SUMF1: variants seen among roughly 807,000 people sequenced by gnomAD.
The protein encoded by SUMF1 is formylglycine-generating enzyme.
In SUMF1, 48 loss-of-function variants were observed where a neutral mutation model predicts 47.6. The ratio of observed to expected loss-of-function variants is 1.01; its 90% CI spans 0.80 to 1.28. The LOEUF is 1.28. Ranked by LOEUF, SUMF1 falls within the 50% of genes most tolerant of loss-of-function variation. The pLI is 0.00. For synonymous variants in SUMF1, 230 were observed against 192.1 expected, an observed-to-expected ratio of 1.20 and a Z score of -1.63; for missense variants, 571 against 485.4, an observed-to-expected ratio of 1.18 and a Z score of -1.66.
At chr3:4,190,420 C>CT (rs200950017) in intron 8 of SUMF1, among the ~76,000 whole-genome samples, 3,704 of 151,440 alleles carry the variant, frequency 0.024, 173 homozygotes, top group African/African-American at 0.085. Context: ...TTATAACATC[C>CT]TTTCAGCCTC....
intron 8 of SUMF1, among the ~76,000 whole-genome samples, chr3:4,271,285 A>G (rs546963771): frequency 6.6e-6 from 1 of 152,274 alleles, no homozygotes; most frequent in South Asian, 2.1e-4. Flanking sequence ...ACCAAATTTC[A>G]GACTTGTTTC....
At chr3:4,376,472 A>C in intron 7 of SUMF1, 83 bp from the exon 8 acceptor site, 2 of 1,412,938 alleles carry the variant, frequency 1.4e-6, no homozygotes, top group South Asian at 2.3e-5. Context: ...CTTTGATCCA[A>C]CCAGCTCTCT....
chr3:4,257,469 A>T (rs1251909159), intron 8 of SUMF1, among the ~76,000 whole-genome samples: 1 of 151,016 alleles, frequency 6.6e-6, no homozygotes, highest in African/African-American at 2.4e-5. Flanking sequence ...CACCAACAAC[A>T]GACAAACAGA....
intron 9 of SUMF1, among the ~76,000 whole-genome samples, chr3:4,043,312 A>G (rs936959825): frequency 6.6e-6 from 1 of 152,010 alleles, no homozygotes; most frequent in African/African-American, 2.4e-5. Context: ...ACATCTCTAA[A>G]TTGTACCTTT....
At chr3:4,173,686 A>T (rs528590190) in intron 8 of SUMF1, among the ~76,000 whole-genome samples, 7 of 152,308 alleles carry the variant, frequency 4.6e-5, no homozygotes, top group African/African-American at 1.7e-4. Context: ...ACACCATAGA[A>T]TACTATGCAG....
downstream of SUMF1, among the ~76,000 whole-genome samples, chr3:4,359,822 G>T (rs182421198): frequency 6.3e-3 from 954 of 152,002 alleles, 9 homozygotes; most frequent in African/African-American, 0.022. Context: ...GATTTGGGTG[G>T]GGACGCAGTC....
At chr3:4,064,321 A>G (rs964905694) in intron 9 of SUMF1, among the ~76,000 whole-genome samples, 1 of 116,818 alleles carries the variant, frequency 8.6e-6, no homozygotes, top group African/African-American at 2.6e-5. Context: ...TTAGCATGCT[A>G]AAAAACACCC....
intron 8 of SUMF1, among the ~76,000 whole-genome samples, chr3:4,301,433 T>C (rs73806991): frequency 0.05 from 7,665 of 152,190 alleles, 637 homozygotes; most frequent in African/African-American, 0.17. Context: ...CAGCAAAATA[T>C]AATAACTGGA....
chr3:4,388,886 T>G (rs1700759731), intron 7 of SUMF1, among the ~76,000 whole-genome samples: 1 of 152,158 alleles, frequency 6.6e-6, no homozygotes, highest in East Asian at 1.9e-4. Flanking sequence ...TTTAAATCCC[T>G]TTAGCTTCTC....
rs188148939 is a variant in SUMF1 at position 4,399,423 on chromosome 3, G to C, written c.954+11442C>G. Among the ~76,000 whole-genome samples the C allele has an allele frequency of 7.9e-5, 12 of 152,250 alleles. No individual in the cohort carries two copies. The East Asian group carries it at 2.1e-3, about 27-fold the overall frequency. On this transcript the variant is annotated intron_variant, in intron 7 of 8. Transcript: ENST00000272902. ...ATTTGTGATGACTCAGGAGTACTGT[G>C]GGAAAACTCTTTATGAACATGGACT...
In SUMF1 at chr3:4,211,137, T is replaced by C. The variant is rs555668595; in HGVS notation, c.1015-142392A>G. On this transcript the variant is annotated intron_variant and NMD_transcript_variant, in intron 8 of 12. Transcript: ENST00000448413. ...ATATATATATACACACACACACACA[T>C]ATATACATATACATATATATACATA... Among the ~76,000 whole-genome samples the C allele has an allele frequency of 4.9e-4, 58 of 117,806 alleles. 2 individuals are homozygous for C. The highest frequency in any genetic ancestry group is 1.0e-3 in the African/African-American group (32 of 31,634). The allele number at this position is 117,806 out of a possible 152,430, so 77.3% of individuals were successfully genotyped here.
chr3:4,387,167 G>A (rs1700703426), intron 7 of SUMF1, among the ~76,000 whole-genome samples: 1 of 151,824 alleles, frequency 6.6e-6, no homozygotes, highest in Non-Finnish European at 1.5e-5. Context: ...GTGTAGAATT[G>A]GTGTTGATTC....
intron 1 of SUMF1, among the ~76,000 whole-genome samples, chr3:4,456,755 T>A (rs1419479794): frequency 5.9e-5 from 2 of 33,862 alleles, no homozygotes; most frequent in Non-Finnish European, 1.1e-4. Context: ...CATATATACG[T>A]GTGTGTGTAT....
chr3:4,203,290 T>G (rs577755251), intron 8 of SUMF1, among the ~76,000 whole-genome samples: 13 of 152,196 alleles, frequency 8.5e-5, no homozygotes, highest in African/African-American at 3.1e-4. Flanking sequence ...GATATATATT[T>G]GCAATTATTA....
intron 8 of SUMF1, among the ~76,000 whole-genome samples, chr3:4,185,959 G>A (rs563650751): frequency 1.3e-5 from 2 of 152,276 alleles, no homozygotes; most frequent in South Asian, 2.1e-4. Context: ...AGTACCAGAA[G>A]CAAATGTCTT....
At chr3:4,384,018 A>C (rs1317777764) in intron 7 of SUMF1, among the ~76,000 whole-genome samples, 1 of 152,234 alleles carries the variant, frequency 6.6e-6, no homozygotes, top group Non-Finnish European at 1.5e-5. Flanking sequence ...TATTGCTTTA[A>C]ACAATCTTAC....
chr3:4,289,492 T>C lies in SUMF1; in HGVS notation c.1014+86838A>G, dbSNP rs555702859. Among the ~76,000 whole-genome samples, 3 of 152,286 alleles carry C rather than the reference T, an allele frequency of 2.0e-5. No homozygotes were observed. In the South Asian group the frequency reaches 6.2e-4, roughly 32 times the overall value. On this transcript the variant is annotated intron_variant and NMD_transcript_variant, in intron 8 of 12. Coordinates refer to the SUMF1 transcript ENST00000448413. ...GTTCTTACATTACTACACTAGCAAT[T>C]AGAGACCTAAAATAAGATAGGAAGC...
intron 8 of SUMF1, among the ~76,000 whole-genome samples, chr3:4,146,782 C>A (rs1388593988): frequency 6.6e-6 from 1 of 150,782 alleles, no homozygotes; most frequent in Admixed American, 6.6e-5. Flanking sequence ...TGAGAACATG[C>A]AGTGTTTGGT....
At chr3:4,379,893 A>C (rs1252836083) in intron 7 of SUMF1, among the ~76,000 whole-genome samples, 1 of 150,734 alleles carries the variant, frequency 6.6e-6, no homozygotes. Flanking sequence ...TTTGCTATGC[A>C]GCCCTAGCAG....
Sources: gnomAD v4.1 joint callset for allele counts (sites outside exome capture counted in the v4.1 genomes callset) on GRCh38, gnomAD v4.1.1 for gene constraint, MANE v1.5 for transcripts, NCBI Gene and HGNC (gene_info 2026-07-23, HGNC 2026-07-21) for gene names.